The following SUGCT variants were observed in gnomAD, a reference collection of about 807,000 sequenced individuals.
The protein encoded by SUGCT is succinyl-CoA:glutarate-CoA transferase.
SUGCT carries 41 observed loss-of-function variants against 55.0 expected under a neutral mutation model. The observed-to-expected ratio is 0.74, with a 90% CI of 0.58 to 0.97. SUGCT has a LOEUF of 0.97. Ranked by LOEUF, SUGCT falls within the 50% of genes least tolerant of loss-of-function variation. The pLI is 0.00. For missense variants in SUGCT, 568 were observed against 547.8 expected (o/e 1.04, Z -0.37); for synonymous variants, 187 against 200.4 (o/e 0.93, Z 0.56).
At chr7:40,402,633 G>C (rs1786139178) in intron 9 of SUGCT, among the ~76,000 whole-genome samples, 1 of 151,286 alleles carries the variant, frequency 6.6e-6, no homozygotes, top group Non-Finnish European at 1.5e-5. Context: ...AATACATCTA[G>C]GTTTTCTCTT....
the SUGCT span, among the ~76,000 whole-genome samples, chr7:40,984,394 C>CAA: frequency 6.7e-6 from 1 of 149,016 alleles, no homozygotes; most frequent in Non-Finnish European, 1.5e-5. Context: ...TTTTTATAGG[C>CAA]AAAAAAAAAT....
In SUGCT at chr7:40,536,139, G is replaced by A. The variant is rs565125212; in HGVS notation, c.1089+39753G>A. On this transcript the variant is annotated intron_variant, in intron 12 of 13. Coordinates refer to ENST00000335693, the MANE Select transcript of SUGCT (RefSeq NM_001193313.2). ...GTAGGTTCTGTTTACACTGATGTTA[G>A]TTTTAGTTTGGTGTGCAGAAGCTTT... Among the ~76,000 whole-genome samples the A allele has an allele frequency of 3.9e-5, 6 of 152,250 alleles. 1 individual carries two copies. The South Asian group carries it at 1.2e-3, about 32-fold the overall frequency.
the SUGCT span, among the ~76,000 whole-genome samples, chr7:41,033,095 T>C: frequency 6.6e-6 from 1 of 152,180 alleles, no homozygotes; most frequent in Non-Finnish European, 1.5e-5. Flanking sequence ...CTGTTTTGTA[T>C]GGCCTAATGT....
intron 12 of SUGCT, among the ~76,000 whole-genome samples, chr7:40,617,979 GT>G (rs1313330188): frequency 1.3e-5 from 2 of 151,980 alleles, no homozygotes; most frequent in African/African-American, 4.8e-5. Flanking sequence ...CTATAATCCT[GT>G]TGCTTAGTCA....
chr7:40,935,806 G>A, the SUGCT span, among the ~76,000 whole-genome samples: 6 of 152,030 alleles, frequency 3.9e-5, no homozygotes, highest in Non-Finnish European at 7.4e-5. Context: ...ATTTAACTTC[G>A]TGAGTAATAA....
intron 11 of SUGCT, among the ~76,000 whole-genome samples, chr7:40,459,763 A>G (rs909155458): frequency 2.2e-4 from 33 of 152,352 alleles, no homozygotes; most frequent in African/African-American, 7.9e-4. Context: ...GTCATAAAAT[A>G]TTAATGTTAA....
Position 40,750,153 on chromosome 7 carries a change from G to A in SUGCT, c.1153+656G>A, listed in dbSNP as rs948509865. ...CTCTCAAAGCATCCTCTTAAGTGGT[G>A]CATTTAAACTGCAGTGAGAGCTTGT... On this transcript the variant is annotated intron_variant, in intron 13 of 13. Transcript: ENST00000335693. Among the ~76,000 whole-genome samples, 9 of 152,154 alleles carry A rather than the reference G, an allele frequency of 5.9e-5. 1 individual carries two copies. Among genetic ancestry groups the A allele is most frequent in the Admixed American group, 2.0e-4 (3 of 15,284 alleles).
chr7:40,146,049 C>T lies in SUGCT; in HGVS notation c.100+10929C>T, dbSNP rs568534684. Among the ~76,000 whole-genome samples, 182 of 151,306 alleles carry T rather than the reference C, an allele frequency of 1.2e-3. 2 individuals are homozygous for T. The highest frequency in any genetic ancestry group is 4.3e-3 in the African/African-American group (176 of 41,302). ...TTAATGTTAAATCATCTTTTTCTAA[C>T]AGAATAGCCTCATACTTTAAGGTTC... On this transcript the variant is annotated intron_variant, in intron 1 of 13. Coordinates refer to ENST00000335693, the MANE Select transcript of SUGCT (RefSeq NM_001193313.2).
chr7:40,885,055 A>C, the SUGCT span, among the ~76,000 whole-genome samples: 7 of 152,180 alleles, frequency 4.6e-5, no homozygotes, highest in Admixed American at 3.9e-4. Context: ...AATAAACATC[A>C]GATCACCTAT....
chr7:40,814,632 A>G (rs559951857), intron 13 of SUGCT, among the ~76,000 whole-genome samples: 226 of 151,408 alleles, frequency 1.5e-3, no homozygotes, highest in African/African-American at 5.2e-3. Context: ...TTGATGTTCA[A>G]CCTTGTCTTG....
Position 40,217,602 on chromosome 7 carries a change from T to G in SUGCT, c.485-20033T>G, listed in dbSNP as rs118102214. 28 of 287,886 alleles carry G rather than the reference T, an allele frequency of 9.7e-5. 1 individual carries two copies. The East Asian group carries it at 3.5e-3, about 36-fold the overall frequency. The allele number at this position is 287,886 out of a possible 1,614,324, so 17.8% of individuals were successfully genotyped here. On this transcript the variant is annotated intron_variant, in intron 6 of 13. Transcript: ENST00000335693. Reference sequence around the variant, plus strand: ...CCAGCATGTTGTGCCTTTCTCCCCATCCTCCTCTACTTTCTCCTCTGTTGT... The same window carrying G: ...CCAGCATGTTGTGCCTTTCTCCCCAGCCTCCTCTACTTTCTCCTCTGTTGT...
chr7:41,010,020 G>T, the SUGCT span, among the ~76,000 whole-genome samples: 502 of 152,316 alleles, frequency 3.3e-3, 1 homozygote, highest in African/African-American at 0.011. Flanking sequence ...GTTTGCGCTG[G>T]ATGTGTACTA....
At chr7:40,206,926 C>T (rs755225640) in intron 6 of SUGCT, among the ~76,000 whole-genome samples, 17 of 152,110 alleles carry the variant, frequency 1.1e-4, no homozygotes, top group Non-Finnish European at 2.2e-4. Context: ...TGGTCAGGCA[C>T]AGTGGCTCAT....
chr7:40,640,354 T>C (rs1800216375), intron 12 of SUGCT, among the ~76,000 whole-genome samples: 1 of 152,218 alleles, frequency 6.6e-6, no homozygotes, highest in Non-Finnish European at 1.5e-5. Flanking sequence ...TATTGTACTT[T>C]ATTGTATCTA....
intron 12 of SUGCT, among the ~76,000 whole-genome samples, chr7:40,551,162 C>T (rs1795279075): frequency 6.6e-6 from 1 of 152,190 alleles, no homozygotes; most frequent in East Asian, 1.9e-4. Context: ...TCTTGGAACA[C>T]TTGTGATTTT....
At chr7:41,011,401 T>C in the SUGCT span, among the ~76,000 whole-genome samples, 1 of 152,230 alleles carries the variant, frequency 6.6e-6, no homozygotes, top group South Asian at 2.1e-4. Context: ...TGCTGCTTTA[T>C]TGGGAGAAAG....
chr7:40,567,850 T>G (rs879835390), intron 12 of SUGCT, among the ~76,000 whole-genome samples: 2 of 152,176 alleles, frequency 1.3e-5, no homozygotes, highest in Non-Finnish European at 2.9e-5. Flanking sequence ...CAAAAGAAAT[T>G]TCAAATTGAG....
intron 12 of SUGCT, among the ~76,000 whole-genome samples, chr7:40,560,228 C>A (rs1583982903): frequency 6.6e-6 from 1 of 152,244 alleles, no homozygotes; most frequent in East Asian, 1.9e-4. Flanking sequence ...GGTTGAAAAT[C>A]TGAGCATTTG....
rs60231610 is a variant in SUGCT at position 40,612,012 on chromosome 7, CT to C, written c.1089+115637del. ...CTGTTAAAAACTTTGATTCCCCCCC[CT>C]TTTTTTTTTTACAACAGATCACTGA... On this transcript the variant is annotated intron_variant, in intron 12 of 13. Coordinates refer to ENST00000335693, the MANE Select transcript of SUGCT (RefSeq NM_001193313.2). Among the ~76,000 whole-genome samples the C allele has an allele frequency of 6.2e-3, 899 of 145,052 alleles. 2 individuals carry two copies. Among genetic ancestry groups the C allele is most frequent in the African/African-American group, 0.013 (523 of 39,304 alleles).
Sources: allele counts gnomAD v4.1 joint callset (sites outside exome capture counted in the v4.1 genomes callset), GRCh38; gene constraint gnomAD v4.1.1; transcripts MANE v1.5; gene names NCBI Gene and HGNC (gene_info 2026-07-23, HGNC 2026-07-21).